The following TMEM126A variants were observed in gnomAD, a reference collection of about 807,000 sequenced individuals.
The protein encoded by TMEM126A is optic atrophy 7.
Under a neutral mutation model 18.3 loss-of-function variants are expected in TMEM126A, and 10 were observed. That is an observed-to-expected ratio of 0.55 (90% confidence interval 0.34 to 0.93). The LOEUF (loss-of-function observed/expected upper bound fraction) is 0.93, where lower values mean the gene tolerates loss of function less well. Among genes scored for constraint, TMEM126A ranks in the 40% least tolerant of loss-of-function variants. The pLI is 0.02. For synonymous variants in TMEM126A, 68 were observed against 78.1 expected, an observed-to-expected ratio of 0.87 and a Z score of 0.68; for missense variants, 246 against 230.2, an observed-to-expected ratio of 1.07 and a Z score of -0.44.
intron 1 of TMEM126A, among the ~76,000 whole-genome samples, chr11:85,649,323 C>T (rs2082482999): frequency 1.3e-5 from 2 of 152,230 alleles, no homozygotes; most frequent in Admixed American, 1.3e-4. Flanking sequence ...CTAGTGCAGA[C>T]ATCAACAAAC....
chr11:85,648,325 A>G (rs1014406497), intron 1 of TMEM126A, among the ~76,000 whole-genome samples: 1 of 152,192 alleles, frequency 6.6e-6, no homozygotes, highest in African/African-American at 2.4e-5. Context: ...TTTACTGTCA[A>G]TTTACAAGGT....
At chr11:85,655,756 AC>A in intron 4 of TMEM126A, 48 bp downstream of exon 4, 1 of 1,329,648 alleles carries the variant, frequency 7.5e-7, no homozygotes, top group Non-Finnish European at 1.1e-6. Context: ...TATAAAACTC[AC>A]AACTTAAAGC....
chr11:85,651,958 G>A (rs1422695070), intron 2 of TMEM126A, among the ~76,000 whole-genome samples: 1 of 152,196 alleles, frequency 6.6e-6, no homozygotes, highest in Non-Finnish European at 1.5e-5. Context: ...GAGGTCAGGA[G>A]TTTAAGACTA....
chr11:85,649,523 G>C (rs2082484319), intron 1 of TMEM126A, among the ~76,000 whole-genome samples: 1 of 152,198 alleles, frequency 6.6e-6, no homozygotes, highest in African/African-American at 2.4e-5. Flanking sequence ...GGTATACCTA[G>C]AAATGAAATT....
At chr11:85,650,592 T>A (rs1249414258) in intron 2 of TMEM126A, among the ~76,000 whole-genome samples, 5 of 152,250 alleles carry the variant, frequency 3.3e-5, no homozygotes, top group African/African-American at 1.2e-4. Flanking sequence ...CCATTAGGCT[T>A]GGAGTATAGT....
chr11:85,653,306 G>A (rs887644483), intron 2 of TMEM126A, among the ~76,000 whole-genome samples: 12 of 152,164 alleles, frequency 7.9e-5, no homozygotes, highest in Admixed American at 3.9e-4. Flanking sequence ...ATTTTAAGAT[G>A]AGTGTAAGCC....
intron 2 of TMEM126A, among the ~76,000 whole-genome samples, chr11:85,651,069 C>CA (rs3068382): frequency 0.74 from 58,740 of 79,802 alleles, 21,961 homozygotes; most frequent in Non-Finnish European, 0.79. Context: ...GGATCCGTCT[C>CA]AAAAAAAAAA....
At chr11:85,649,361 A>G (rs1040565057) in intron 1 of TMEM126A, among the ~76,000 whole-genome samples, 3 of 152,246 alleles carry the variant, frequency 2.0e-5, no homozygotes, top group African/African-American at 4.8e-5. Flanking sequence ...TATGCAGCCT[A>G]TAGCTTGCCT....
chr11:85,656,470 A>G lies in TMEM126A; in HGVS notation c.557A>G (p.Gln186Arg). The change falls in exon 5 of 5, where the codon CAG becomes CGG. Residue 186 changes from glutamine (Q) to arginine (R), a missense_variant. Coordinates refer to ENST00000304511, the MANE Select transcript of TMEM126A (RefSeq NM_032273.4). ...EQYKLLIKAL[Q>R]LSEPGKEIH ...TATAAACTACTTATAAAGGCCCTTCAGTTATCTGAACCTGGCAAAGAAATT... is the reference window on the plus strand; with the variant it reads ...TATAAACTACTTATAAAGGCCCTTCGGTTATCTGAACCTGGCAAAGAAATT... 6.2e-7 allele frequency: 1 copy of G among 1,613,200 alleles called. No individual in the cohort carries two copies. The highest frequency in any genetic ancestry group is 8.5e-7 in the Non-Finnish European group (1 of 1,179,548).
chr11:85,651,236 GGA>G (rs2082497838), intron 2 of TMEM126A, among the ~76,000 whole-genome samples: 1 of 152,206 alleles, frequency 6.6e-6, no homozygotes, highest in Non-Finnish European at 1.5e-5. Flanking sequence ...CACCTGGGAA[GGA>G]GAGAGGGACA....
At chr11:85,654,810 T>A (rs2082525874) in intron 3 of TMEM126A, among the ~76,000 whole-genome samples, 1 of 151,578 alleles carries the variant, frequency 6.6e-6, no homozygotes, top group Non-Finnish European at 1.5e-5. Flanking sequence ...TAAGAAATAT[T>A]TGGAAATCCA....
intron 4 of TMEM126A, among the ~76,000 whole-genome samples, chr11:85,656,101 G>A (rs117106234): frequency 2.5e-3 from 385 of 152,254 alleles, no homozygotes; most frequent in South Asian, 4.1e-3. Flanking sequence ...GCTATTCTCT[G>A]TTGAACTCTT....
intron 3 of TMEM126A, among the ~76,000 whole-genome samples, 189 bp downstream of exon 3, chr11:85,654,445 G>T (rs1200136537): frequency 2.0e-5 from 3 of 152,154 alleles, no homozygotes; most frequent in East Asian, 3.9e-4. Context: ...ATACACAGCA[G>T]TTCTAAATAC....
At chr11:85,656,074 A>G (rs1011611254) in intron 4 of TMEM126A, among the ~76,000 whole-genome samples, 4 of 152,330 alleles carry the variant, frequency 2.6e-5, no homozygotes, top group Non-Finnish European at 2.9e-5. Flanking sequence ...TTAGCCTTCT[A>G]TTCTAAAATA....
rs199975305 is a variant in TMEM126A at position 85,656,401 on chromosome 11, T to A, written c.488T>A (p.Ile163Asn). 2 of 1,613,206 alleles carry A rather than the reference T, an allele frequency of 1.2e-6. No individual in the cohort carries two copies. Among genetic ancestry groups the A allele is most frequent in the East Asian group, 4.5e-5 (2 of 44,812 alleles). The stretch of plus-strand genomic sequence containing the variant: ...GTCTTTAGAAAGATGTTATTTCCTA[T>A]TTTGCTCCAGACTATGTTTTCAGCA... ...KPVFRKMLFP[I>N]LLQTMFSAYL... The change falls in exon 5 of 5, where the codon ATT (isoleucine) becomes AAT (asparagine). Residue 163 changes from isoleucine to asparagine, a missense_variant. Ile to Asn is a moderately radical substitution (Grantham distance 149). Coordinates refer to ENST00000304511, the MANE Select transcript of TMEM126A (RefSeq NM_032273.4).
chr11:85,651,265 G>T (rs958953857), intron 2 of TMEM126A, among the ~76,000 whole-genome samples: 6 of 152,132 alleles, frequency 3.9e-5, no homozygotes, highest in Non-Finnish European at 8.8e-5. Context: ...TAAGTAGAGG[G>T]AATGGCATAT....
chr11:85,653,954 T>C (rs930049556), intron 2 of TMEM126A, 109 bp from the exon 3 acceptor site: 4 of 1,289,412 alleles, frequency 3.1e-6, no homozygotes, highest in African/African-American at 2.9e-5. Flanking sequence ...AAGGGATAGA[T>C]GTCGTATCCA....
chr11:85,648,791 T>G (rs2082479561), intron 1 of TMEM126A, among the ~76,000 whole-genome samples: 2 of 152,184 alleles, frequency 1.3e-5, no homozygotes, highest in Admixed American at 6.5e-5. Context: ...ATATGGAATG[T>G]CAAGGTAATC....
chr11:85,654,855 ATAT>A (rs2082526272), intron 3 of TMEM126A, among the ~76,000 whole-genome samples: 7 of 150,182 alleles, frequency 4.7e-5, no homozygotes, highest in Admixed American at 2.7e-4. Context: ...ATATATGGAA[ATAT>A]TATATATATA....
Sources: allele counts gnomAD v4.1 joint callset (sites outside exome capture counted in the v4.1 genomes callset), GRCh38; gene constraint gnomAD v4.1.1; transcripts MANE v1.5; gene names NCBI Gene and HGNC (gene_info 2026-07-23, HGNC 2026-07-21).